The following SPOCK1 variants were observed in gnomAD, a reference collection of about 807,000 sequenced individuals.
SPOCK1 encodes testican-1.
SPOCK1 carries 23 observed loss-of-function variants against 55.3 expected under a neutral mutation model. The observed-to-expected ratio is 0.42, with a 90% CI of 0.30 to 0.59. The LOEUF (loss-of-function observed/expected upper bound fraction) is 0.59. SPOCK1 is among the 20% of genes least tolerant of loss of function. The pLI is 0.22. For synonymous variants in SPOCK1, 226 were observed against 221.0 expected, an observed-to-expected ratio of 1.02 and a Z score of -0.20; for missense variants, 499 against 552.5, an observed-to-expected ratio of 0.90 and a Z score of 0.97.
chr5:137,151,400 T>C (rs1754316709), intron 3 of SPOCK1, among the ~76,000 whole-genome samples: 1 of 152,228 alleles, frequency 6.6e-6, no homozygotes, highest in Non-Finnish European at 1.5e-5. Context: ...CACAGTGGAT[T>C]CTGCCCCCGA....
intron 3 of SPOCK1, among the ~76,000 whole-genome samples, chr5:137,202,055 G>C (rs1755435864): frequency 1.3e-5 from 2 of 152,204 alleles, no homozygotes; most frequent in African/African-American, 4.8e-5. Context: ...GCTCAAGCCT[G>C]CTAAGGAACA....
chr5:137,234,107 G>A (rs1019550966), intron 3 of SPOCK1, among the ~76,000 whole-genome samples: 1 of 152,144 alleles, frequency 6.6e-6, no homozygotes, highest in Non-Finnish European at 1.5e-5. Flanking sequence ...GGTGTCTCTG[G>A]GTAGGGAAAA....
chr5:137,283,847 A>G (rs188124240), intron 2 of SPOCK1, among the ~76,000 whole-genome samples: 60 of 152,346 alleles, frequency 3.9e-4, no homozygotes, highest in African/African-American at 1.4e-3. Context: ...AACATTTTCT[A>G]CTACAGACCT....
intron 2 of SPOCK1, among the ~76,000 whole-genome samples, chr5:137,494,167 A>G (rs1263573698): frequency 6.6e-6 from 1 of 152,190 alleles, no homozygotes; most frequent in Non-Finnish European, 1.5e-5. Flanking sequence ...GTAAGCAACA[A>G]TATTATTTTA....
chr5:137,263,541 T>C (rs1053163661), intron 3 of SPOCK1, among the ~76,000 whole-genome samples: 1 of 152,204 alleles, frequency 6.6e-6, no homozygotes, highest in Admixed American at 6.5e-5. Flanking sequence ...CTCCTGACTA[T>C]GCAAGATAAG....
intron 4 of SPOCK1, among the ~76,000 whole-genome samples, chr5:137,132,019 T>TATATAA (rs1311302324): frequency 1.8e-5 from 1 of 56,088 alleles, no homozygotes; most frequent in African/African-American, 8.4e-5. Flanking sequence ...TATATATATA[T>TATATAA]AAAAAATTAG....
intron 2 of SPOCK1, among the ~76,000 whole-genome samples, chr5:137,390,378 T>C (rs938410831): frequency 6.6e-6 from 1 of 152,200 alleles, no homozygotes; most frequent in African/African-American, 2.4e-5. Context: ...ATATTTTTAA[T>C]GAAAAATTGC....
intron 4 of SPOCK1, among the ~76,000 whole-genome samples, chr5:137,127,947 A>G (rs373967987): frequency 6.6e-5 from 10 of 152,256 alleles, no homozygotes; most frequent in East Asian, 5.8e-4. Context: ...TGAAAAGGAC[A>G]TGAATTTAAT....
At chr5:137,350,787 A>T (rs1433224301) in intron 2 of SPOCK1, among the ~76,000 whole-genome samples, 1 of 151,830 alleles carries the variant, frequency 6.6e-6, no homozygotes, top group Non-Finnish European at 1.5e-5. Context: ...GGAAGGAATC[A>T]TATAGGGTTG....
At chr5:137,127,468 C>G (rs1273178608) in intron 4 of SPOCK1, among the ~76,000 whole-genome samples, 1 of 152,252 alleles carries the variant, frequency 6.6e-6, no homozygotes, top group Non-Finnish European at 1.5e-5. Context: ...GGGGGCAACA[C>G]AGCCATCTCA....
intron 5 of SPOCK1, among the ~76,000 whole-genome samples, chr5:137,095,736 CT>C (rs1290442129): frequency 6.6e-6 from 1 of 152,184 alleles, no homozygotes; most frequent in African/African-American, 2.4e-5. Context: ...AGTATTATCC[CT>C]AGGTTGATGG....
chr5:137,276,875 G>A (rs1048390575), intron 2 of SPOCK1, among the ~76,000 whole-genome samples: 3 of 152,120 alleles, frequency 2.0e-5, no homozygotes, highest in African/African-American at 7.2e-5. Flanking sequence ...TCTCCTCAGG[G>A]ACCAAGAGGA....
intron 3 of SPOCK1, among the ~76,000 whole-genome samples, chr5:137,157,987 G>A (rs1475758861): frequency 1.3e-5 from 2 of 152,160 alleles, no homozygotes; most frequent in Non-Finnish European, 2.9e-5. Context: ...ACTTGAACCT[G>A]TGAGGCAGAG....
intron 2 of SPOCK1, among the ~76,000 whole-genome samples, chr5:137,475,197 A>G (rs915847267): frequency 6.6e-6 from 1 of 152,158 alleles, no homozygotes; most frequent in Middle Eastern, 3.2e-3. Context: ...TCAGAGTCCA[A>G]TCGTGAAGAA....
intron 6 of SPOCK1, among the ~76,000 whole-genome samples, chr5:137,052,008 G>C (rs1752216443): frequency 1.3e-5 from 2 of 152,210 alleles, no homozygotes; most frequent in African/African-American, 4.8e-5. Context: ...GATGGCCATT[G>C]AGATGTAAGC....
At chr5:137,204,199 T>C (rs1392567505) in intron 3 of SPOCK1, among the ~76,000 whole-genome samples, 3 of 152,114 alleles carry the variant, frequency 2.0e-5, no homozygotes, top group Admixed American at 2.0e-4. Context: ...TCTTTAGCCC[T>C]GGCTTAATAA....
chr5:137,086,671 G>T (rs562673707), intron 5 of SPOCK1, among the ~76,000 whole-genome samples: 1 of 152,186 alleles, frequency 6.6e-6, no homozygotes, highest in Non-Finnish European at 1.5e-5. Flanking sequence ...CAATGTCTGT[G>T]CAGCCCCTGT....
intron 3 of SPOCK1, among the ~76,000 whole-genome samples, chr5:137,195,866 G>C (rs898617867): frequency 2.6e-5 from 4 of 152,160 alleles, no homozygotes; most frequent in Non-Finnish European, 5.9e-5. Context: ...AGCCCTCTGG[G>C]TAGTAGTAAA....
intron 3 of SPOCK1, among the ~76,000 whole-genome samples, chr5:137,176,552 G>A (rs1042866238): frequency 2.7e-5 from 4 of 149,486 alleles, no homozygotes; most frequent in Non-Finnish European, 3.0e-5. Context: ...ATATACACAC[G>A]TATGTATATT....
Sources: allele counts gnomAD v4.1 joint callset (sites outside exome capture counted in the v4.1 genomes callset), GRCh38; gene constraint gnomAD v4.1.1; transcripts MANE v1.5; gene names NCBI Gene and HGNC (gene_info 2026-07-23, HGNC 2026-07-21).